Variants in SIPA1L2 observed in about 807,000 individuals in gnomAD.
SIPA1L2 encodes signal induced proliferation associated 1 like 2, also known as signal-induced proliferation-associated 1-like protein 2.
Under a neutral mutation model 163.9 loss-of-function variants are expected in SIPA1L2, and 56 were observed. That is an observed-to-expected ratio of 0.34 (90% CI 0.28 to 0.43). The LOEUF is 0.43. SIPA1L2 is among the 20% of genes least tolerant of loss of function. The probability of loss-of-function intolerance (pLI) is 1.00; values close to 1 mark genes in which losing one functional copy is unlikely to be tolerated. For synonymous variants in SIPA1L2, 877 were observed against 865.7 expected, an observed-to-expected ratio of 1.01 and a Z score of -0.23; for missense variants, 1,974 against 2,193.5, an observed-to-expected ratio of 0.90 and a Z score of 2.00.
In SIPA1L2 at chr1:232,399,052, A is replaced by G; in HGVS notation, c.*75T>C. 1.3e-5 allele frequency: 21 copies of G among 1,597,318 alleles called. No homozygotes were observed. The highest frequency in any genetic ancestry group is 1.7e-5 in the Non-Finnish European group (20 of 1,169,604). ...CATCTACGATTGGTTGAAAGCACAC[A>G]GAAAAACCACATGTTTGTGACTTCA... On this transcript the variant is annotated 3_prime_UTR_variant, in exon 23 of 23. Coordinates refer to ENST00000674635, the MANE Select transcript of SIPA1L2 (RefSeq NM_020808.5).
intron 19 of SIPA1L2, among the ~76,000 whole-genome samples, chr1:232,415,141 A>C (rs1661172753): frequency 6.6e-6 from 1 of 152,194 alleles, no homozygotes; most frequent in African/African-American, 2.4e-5. Context: ...TGTCCCCCAC[A>C]TTATACCTCA....
chr1:232,560,419 T>C (rs905442596), intron 2 of SIPA1L2, among the ~76,000 whole-genome samples: 1 of 152,236 alleles, frequency 6.6e-6, no homozygotes, highest in Non-Finnish European at 1.5e-5. Flanking sequence ...CCCTCAGGAA[T>C]AAAAAATTTA....
At chr1:232,619,055 T>C (rs1279684000) in intron 1 of SIPA1L2, among the ~76,000 whole-genome samples, 1 of 152,238 alleles carries the variant, frequency 6.6e-6, no homozygotes, top group Non-Finnish European at 1.5e-5. Context: ...TTGCAAAACC[T>C]AAACCAGGCA....
At chr1:232,452,697 C>T (rs1410747967) in intron 10 of SIPA1L2, among the ~76,000 whole-genome samples, 1 of 152,174 alleles carries the variant, frequency 6.6e-6, no homozygotes, top group Non-Finnish European at 1.5e-5. Flanking sequence ...CTAGTCAAGC[C>T]ATATGGTTTT....
intron 13 of SIPA1L2, 34 bp downstream of exon 13, chr1:232,441,734 C>G: frequency 6.4e-7 from 1 of 1,561,724 alleles, no homozygotes; most frequent in Non-Finnish European, 8.8e-7. Flanking sequence ...AAAGGGGGAG[C>G]AAGGGAGGTC....
intron 5 of SIPA1L2, among the ~76,000 whole-genome samples, chr1:232,485,115 A>AG (rs1338660126): frequency 6.6e-6 from 1 of 152,230 alleles, no homozygotes; most frequent in Non-Finnish European, 1.5e-5. Context: ...GGATAAACTT[A>AG]GAGTTGAGCA....
At chr1:232,423,677 G>GA (rs1342768114) in intron 18 of SIPA1L2, among the ~76,000 whole-genome samples, 2 of 152,214 alleles carry the variant, frequency 1.3e-5, no homozygotes, top group Non-Finnish European at 2.9e-5. Context: ...CTAGGACAGT[G>GA]AATGAACAGT....
intron 2 of SIPA1L2, among the ~76,000 whole-genome samples, chr1:232,530,961 C>T (rs185305628): frequency 2.2e-4 from 34 of 152,140 alleles, no homozygotes; most frequent in African/African-American, 5.1e-4. Flanking sequence ...AAATTGGGAA[C>T]GCTCTAGAAA....
Position 232,493,581 on chromosome 1 carries a change from G to A in SIPA1L2, c.1563C>T (p.Ala521=). ...TGAACTGGGATCCTTCTTTCTCCTT[G>A]GCATCTTCCACCTTCTCTCTCCGGA... ...VSIRREKVED[A]KEKEGSQFNY... The change falls in exon 4 of 23, where the codon GCC becomes GCT. Residue 521 remains alanine, a synonymous_variant. Coordinates refer to ENST00000674635, the MANE Select transcript of SIPA1L2 (RefSeq NM_020808.5). 1 of 1,613,994 alleles carries A rather than the reference G, an allele frequency of 6.2e-7. No individual in the cohort carries two copies. Among genetic ancestry groups the A allele is most frequent in the Non-Finnish European group, 8.5e-7 (1 of 1,180,000 alleles).
At chr1:232,622,692 G>A (rs188387797) in intron 1 of SIPA1L2, among the ~76,000 whole-genome samples, 86 of 152,314 alleles carry the variant, frequency 5.6e-4, no homozygotes, top group Admixed American at 3.5e-3. Context: ...GTAACAGATG[G>A]AACACAGTCC....
At chr1:232,566,637 C>T (rs894802607) in intron 2 of SIPA1L2, among the ~76,000 whole-genome samples, 7 of 152,272 alleles carry the variant, frequency 4.6e-5, no homozygotes, top group East Asian at 3.9e-4. Flanking sequence ...CCTTAATAGA[C>T]GGACTTTCAC....
At chr1:232,585,627 GT>G (rs1381848665) in intron 1 of SIPA1L2, among the ~76,000 whole-genome samples, 1 of 152,162 alleles carries the variant, frequency 6.6e-6, no homozygotes, top group Non-Finnish European at 1.5e-5. Flanking sequence ...ATGTAAAAGG[GT>G]AAAGTAGAAC....
intron 1 of SIPA1L2, among the ~76,000 whole-genome samples, chr1:232,625,846 T>C (rs1032498717): frequency 3.3e-5 from 5 of 152,216 alleles, no homozygotes; most frequent in African/African-American, 9.6e-5. Flanking sequence ...GTTCAGGTAT[T>C]ACCGGAAGAC....
At chr1:232,495,352 A>G (rs950695599) in intron 3 of SIPA1L2, among the ~76,000 whole-genome samples, 1 of 152,132 alleles carries the variant, frequency 6.6e-6, no homozygotes, top group Non-Finnish European at 1.5e-5. Flanking sequence ...TCACGAGGTT[A>G]GGAGATCGAG....
rs912216110 is a variant in SIPA1L2, at chr1:232,567,930, G to A, written c.-270+6244C>T. 1.1e-4 allele frequency among the ~76,000 whole-genome samples: 17 copies of A among 152,334 alleles called. No homozygotes were observed. In the Middle Eastern group the frequency reaches 0.02, roughly 183 times the overall value. On this transcript the variant is annotated intron_variant, in intron 2 of 22. Transcript: ENST00000674635. ...TAATCAATAATGCCTATGTAATGAA[G>A]CTTCTCTAACAGTCCGAAACGCCAG...
At chr1:232,540,581 T>A (rs984024447) in intron 2 of SIPA1L2, among the ~76,000 whole-genome samples, 3 of 152,036 alleles carry the variant, frequency 2.0e-5, no homozygotes, top group Non-Finnish European at 4.4e-5. Context: ...ACCAGGGGTA[T>A]CTCTGGCAAT....
At chr1:232,449,587 C>G (rs4451504) in intron 10 of SIPA1L2, among the ~76,000 whole-genome samples, 46,245 of 147,574 alleles carry the variant, frequency 0.31, 7,973 homozygotes, top group East Asian at 0.57. Flanking sequence ...ACCAGACAGA[C>G]CTATCACAAA....
rs1156995320 is a variant in SIPA1L2 at position 232,465,446 on chromosome 1, G to A, written c.2244-30C>T. On this transcript the variant is annotated intron_variant, in intron 8 of 22. Coordinates refer to ENST00000674635, the MANE Select transcript of SIPA1L2 (RefSeq NM_020808.5). This position sits in a 1 kb window ranked among gnomAD's most constrained non-coding sequence, Gnocchi z 4.1. ...GGAAGTAAAAACAGAAACAAAATGA[G>A]ATGAGCTATGATACCATAATATGTA... 1 of 1,557,414 alleles carries A rather than the reference G, an allele frequency of 6.4e-7. No individual in the cohort carries two copies. The highest frequency in any genetic ancestry group is 1.2e-5 in the South Asian group (1 of 83,370).
intron 1 of SIPA1L2, among the ~76,000 whole-genome samples, chr1:232,575,513 C>A (rs150058946): frequency 6.6e-6 from 1 of 151,982 alleles, no homozygotes; most frequent in East Asian, 1.9e-4. Context: ...GATTTTGTGC[C>A]GTGGTTAGGA....
Sources: gnomAD v4.1 joint callset for allele counts (sites outside exome capture counted in the v4.1 genomes callset) on GRCh38, gnomAD v4.1.1 for gene constraint, Gnocchi (gnomAD v3.1) non-coding constraint, MANE v1.5 for transcripts, NCBI Gene and HGNC (gene_info 2026-07-23, HGNC 2026-07-21) for gene names.